Variants in PTPN6 observed in about 807,000 individuals in gnomAD.
PTPN6 encodes the protein protein tyrosine phosphatase non-receptor type 6.
PTPN6 carries 18 observed loss-of-function variants against 81.5 expected under a neutral mutation model. The observed-to-expected ratio is 0.22, with a 90% CI of 0.15 to 0.33. The LOEUF is 0.33. Ranked by LOEUF, PTPN6 falls within the 10% of genes least tolerant of loss-of-function variation. The probability of loss-of-function intolerance (pLI) is 1.00; values close to 1 mark genes in which losing one functional copy is unlikely to be tolerated. For missense variants in PTPN6, 500 were observed against 794.2 expected, an observed-to-expected ratio of 0.63 and a Z score of 4.45; for synonymous variants, 301 against 310.9, an observed-to-expected ratio of 0.97 and a Z score of 0.33.
chr12:6,948,592 G>A (rs186996534), upstream of PTPN6, among the ~76,000 whole-genome samples: 3 of 151,646 alleles, frequency 2.0e-5, no homozygotes, highest in Non-Finnish European at 4.4e-5. Flanking sequence ...ACACCCAGTC[G>A]AAAGAAGAAA....
In PTPN6 at chr12:6,957,318, C is replaced by T. The variant is rs1286190814; in HGVS notation, c.1075-336C>T. Among the ~76,000 whole-genome samples, 1 of 152,234 alleles carries T rather than the reference C, an allele frequency of 6.6e-6. No homozygotes were observed. The highest frequency in any genetic ancestry group is 1.5e-5 in the Non-Finnish European group (1 of 68,044). On this transcript the variant is annotated intron_variant, in intron 9 of 15. Transcript: ENST00000318974. This position sits in a 1 kb window ranked among gnomAD's most constrained non-coding sequence, Gnocchi z 6.5. ...TCAGCGCGGTGTCTCCCCCGGTCACCTGTCTCTGTGAGCTCCTCGAGGCAC... is the reference window on the plus strand; with the variant it reads ...TCAGCGCGGTGTCTCCCCCGGTCACTTGTCTCTGTGAGCTCCTCGAGGCAC...
rs782715566 is a variant in PTPN6 at position 6,952,813 on chromosome 12, C to G, written c.326+636C>G. ...AGGCATTTCCTTCCTGTGGCCTCCCCGACTCCTCCTGTGGTCTCCCAAAGG... is the reference window on the plus strand; with the variant it reads ...AGGCATTTCCTTCCTGTGGCCTCCCGGACTCCTCCTGTGGTCTCCCAAAGG... On this transcript the variant is annotated intron_variant, in intron 3 of 15. Coordinates refer to ENST00000318974, the MANE Select transcript of PTPN6 (RefSeq NM_002831.6). The surrounding 1 kb of genome is among the most constrained non-coding windows in gnomAD (Gnocchi z 8.1). 6.4e-6 allele frequency: 1 copy of G among 156,602 alleles called. No individual in the cohort carries two copies. The highest frequency in any genetic ancestry group is 2.4e-5 in the African/African-American group (1 of 41,438). 9.7% of individuals were successfully genotyped at this position (156,602 alleles called of 1,614,324 possible). A position where few individuals can be genotyped will look rare whatever the true frequency, so the allele number is the denominator to read the frequency against.
upstream of PTPN6, among the ~76,000 whole-genome samples, chr12:6,947,010 C>T (rs1231255573): frequency 1.3e-5 from 2 of 152,186 alleles, no homozygotes; most frequent in Admixed American, 6.5e-5. Flanking sequence ...TGGGCTCCTG[C>T]TTCTGCCTCC....
In PTPN6 at chr12:6,952,194, C is replaced by G; in HGVS notation, c.326+17C>G. 1 of 1,612,856 alleles carries G rather than the reference C, an allele frequency of 6.2e-7. No individual in the cohort carries two copies. Among genetic ancestry groups the G allele is most frequent in the Non-Finnish European group, 8.5e-7 (1 of 1,179,752 alleles). On this transcript the variant is annotated intron_variant, in intron 3 of 15. Transcript: ENST00000318974. This position sits in a 1 kb window ranked among gnomAD's most constrained non-coding sequence, Gnocchi z 8.1. ...TAGTGAGAGGTGAGGGCTCCGCACC[C>G]CCGCCATTCCCAAGCAGGGATGAGC... is the stretch of plus-strand genomic sequence containing the variant.
upstream of PTPN6, among the ~76,000 whole-genome samples, chr12:6,950,450 C>T (rs116645154): frequency 6.7e-3 from 922 of 138,320 alleles, 6 homozygotes; most frequent in African/African-American, 0.022. Flanking sequence ...CTGAGAAAAT[C>T]AGCCATGGTG....
chr12:6,952,642 G>C lies in PTPN6; in HGVS notation c.326+465G>C, dbSNP rs1188255943. ...ATGAATGCTTGCCAAGACACTTGATGCCTTGTCCCAGCCGCCCCGTGGGGA... is the reference window on the plus strand; with the variant it reads ...ATGAATGCTTGCCAAGACACTTGATCCCTTGTCCCAGCCGCCCCGTGGGGA... On this transcript the variant is annotated intron_variant, in intron 3 of 15. Transcript: ENST00000318974. This position sits in a 1 kb window ranked among gnomAD's most constrained non-coding sequence, Gnocchi z 8.1. The C allele has an allele frequency of 3.9e-6, 1 of 259,730 alleles. No homozygotes were observed. Among genetic ancestry groups the C allele is most frequent in the Admixed American group, 5.0e-5 (1 of 19,914 alleles). The allele number at this position is 259,730 out of a possible 1,614,324, so 16.1% of individuals were successfully genotyped here.
chr12:6,949,887 C>T (rs1555147440), upstream of PTPN6, among the ~76,000 whole-genome samples: 1 of 144,700 alleles, frequency 6.9e-6, no homozygotes, highest in Non-Finnish European at 1.5e-5. Flanking sequence ...GATCTCGGCT[C>T]ACTGCAACCT....
chr12:6,951,116 G>C (rs1591683000), upstream of PTPN6: 2 of 738,848 alleles, frequency 2.7e-6, no homozygotes, highest in East Asian at 5.9e-5. The surrounding 1 kb of genome is among the most constrained non-coding windows in gnomAD (Gnocchi z 7.2). Context: ...GTATTATCTG[G>C]GCCTGGAGTG....
Position 6,959,661 on chromosome 12 carries a change from G to A in PTPN6, c.1362-266G>A. 1 of 581,646 alleles carries A rather than the reference G, an allele frequency of 1.7e-6. No individual in the cohort carries two copies. Among genetic ancestry groups the A allele is most frequent in the South Asian group, 2.0e-5 (1 of 50,730 alleles). 36.0% of individuals were successfully genotyped at this position (581,646 alleles called of 1,614,324 possible). A position where few individuals can be genotyped will look rare whatever the true frequency, so the allele number is the denominator to read the frequency against. Reference sequence around the variant, plus strand: ...GTGGGGGCAGCCACTCACTAGGAGTGAGGAGTCGGCGCGAGGAGTGGAGGA... The same window carrying A: ...GTGGGGGCAGCCACTCACTAGGAGTAAGGAGTCGGCGCGAGGAGTGGAGGA... On this transcript the variant is annotated intron_variant, in intron 11 of 15. Transcript: ENST00000318974. The surrounding 1 kb of genome is among the most constrained non-coding windows in gnomAD (Gnocchi z 6.6).
At position 6,954,992 on chromosome 12, in the gene PTPN6, G is replaced by A. The variant is rs781941174; in HGVS notation, c.514G>A (p.Glu172Lys). 6 of 1,614,126 alleles carry A rather than the reference G, an allele frequency of 3.7e-6. No homozygotes were observed. Among genetic ancestry groups the A allele is most frequent in the East Asian group, 4.5e-5 (2 of 44,882 alleles). The change falls in exon 4 of 16, where the codon GAG (glutamate) becomes AAG (lysine). Residue 172 changes from glutamate to lysine, a missense_variant and splice_region_variant. Around this residue, in one of 6 missense-constraint regions of PTPN6, gnomAD observed 96 missense variants for 137.3 expected, o/e 0.70. Transcript: ENST00000318974. The surrounding 1 kb of genome is among the most constrained non-coding windows in gnomAD (Gnocchi z 5.4). The stretch of plus-strand genomic sequence containing the variant: ...GGTCACCCACATCAAGGTCATGTGC[G>A]AGGTAAGGCAGCCAGGCGGCGGGGG... The part of the protein sequence containing the change: ...LRVTHIKVMC[E>K]GGRYTVGGLE...
Position 6,957,623 on chromosome 12 carries a change from G to A in PTPN6, c.1075-31G>A, listed in dbSNP as rs1565583489. The stretch of plus-strand genomic sequence containing the variant: ...GATGGGCCACAGTGCCCTGCTCTGT[G>A]CCTCATCCCCACCCGACCCTCCCTT... On this transcript the variant is annotated intron_variant, in intron 9 of 15. Coordinates refer to ENST00000318974, the MANE Select transcript of PTPN6 (RefSeq NM_002831.6). This position sits in a 1 kb window ranked among gnomAD's most constrained non-coding sequence, Gnocchi z 6.5. 1 of 1,608,500 alleles carries A rather than the reference G, an allele frequency of 6.2e-7. No homozygotes were observed.
Position 6,955,887 on chromosome 12 carries a change from T to A in PTPN6, c.844+131T>A. ...CACACCCCCCACAGAGCCTCCCCCT[T>A]CTCCAAAAGGCCTCTACTCCTCCCA... On this transcript the variant is annotated intron_variant, in intron 7 of 15. Transcript: ENST00000318974. The surrounding 1 kb of genome is among the most constrained non-coding windows in gnomAD (Gnocchi z 7.2). 1 of 868,996 alleles carries A rather than the reference T, an allele frequency of 1.2e-6. No homozygotes were observed. The highest frequency in any genetic ancestry group is 1.8e-6 in the Non-Finnish European group (1 of 546,540). 53.8% of individuals were successfully genotyped at this position (868,996 alleles called of 1,614,324 possible).
chr12:6,954,010 C>G lies in PTPN6; in HGVS notation c.327-795C>G, dbSNP rs912313264. ...TTGTGTTTTTTCCATCACGTGGTTT[C>G]CTGTGGGGCTGGGCTTTGTGGGGCT... On this transcript the variant is annotated intron_variant, in intron 3 of 15. Coordinates refer to ENST00000318974, the MANE Select transcript of PTPN6 (RefSeq NM_002831.6). This position sits in a 1 kb window ranked among gnomAD's most constrained non-coding sequence, Gnocchi z 5.4. 2.7e-4 allele frequency among the ~76,000 whole-genome samples: 41 copies of G among 152,202 alleles called. No individual in the cohort carries two copies. The highest frequency in any genetic ancestry group is 7.4e-5 in the Non-Finnish European group (5 of 68,026).
chr12:6,951,140 T>C (rs1945916208), upstream of PTPN6: 1 of 1,008,846 alleles, frequency 9.9e-7, no homozygotes, highest in Admixed American at 3.5e-5. This position sits in a 1 kb window ranked among gnomAD's most constrained non-coding sequence, Gnocchi z 7.2. Flanking sequence ...AAGGCACACA[T>C]GTGTCCTTAC....
chr12:6,948,563 GAAAGAA>G (rs1330171290), upstream of PTPN6, among the ~76,000 whole-genome samples: 1 of 149,204 alleles, frequency 6.7e-6, no homozygotes, highest in East Asian at 2.0e-4. Flanking sequence ...GAAAAGAAAG[GAAAGAA>G]AAAGAAAAAG....
Position 6,960,704 on chromosome 12 carries a change from T to C in PTPN6, c.1674-102T>C. On this transcript the variant is annotated intron_variant, in intron 14 of 15. Coordinates refer to ENST00000318974, the MANE Select transcript of PTPN6 (RefSeq NM_002831.6). This position sits in a 1 kb window ranked among gnomAD's most constrained non-coding sequence, Gnocchi z 6.1. Reference sequence around the variant, plus strand: ...GCAGGGACCGTGGCTGCGTCACCTGTGAGACGGGGTGGCCAGAGGGGACTG... The same window carrying C: ...GCAGGGACCGTGGCTGCGTCACCTGCGAGACGGGGTGGCCAGAGGGGACTG... 1 of 1,551,506 alleles carries C rather than the reference T, an allele frequency of 6.4e-7. No individual in the cohort carries two copies. The highest frequency in any genetic ancestry group is 8.7e-7 in the Non-Finnish European group (1 of 1,146,950).
rs77231069 is a variant in PTPN6, at chr12:6,958,524, C to T, written c.1361+451C>T. 4.5e-4 allele frequency among the ~76,000 whole-genome samples: 68 copies of T among 152,356 alleles called. 3 individuals carry two copies. The East Asian group carries it at 0.012, about 26-fold the overall frequency. ...TTCCTCCTCTTTTTCCATCGGTAGC[C>T]GCAGGGCTTCGGCTTCTTCCTGACT... On this transcript the variant is annotated intron_variant, in intron 11 of 15. Transcript: ENST00000318974.
rs2138271474 is a variant in PTPN6 at position 6,955,975 on chromosome 12, C to G, written c.845-167C>G. Among the ~76,000 whole-genome samples the G allele has an allele frequency of 6.6e-6, 1 of 152,146 alleles. No homozygotes were observed. The highest frequency in any genetic ancestry group is 1.9e-4 in the East Asian group (1 of 5,178). ...TGCTCCCAACCTCCTTGTGAACTCC[C>G]TCACTCCCTCCATACAGATGATCCC... is the stretch of plus-strand genomic sequence containing the variant. On this transcript the variant is annotated intron_variant, in intron 7 of 15. Coordinates refer to ENST00000318974, the MANE Select transcript of PTPN6 (RefSeq NM_002831.6). The surrounding 1 kb of genome is among the most constrained non-coding windows in gnomAD (Gnocchi z 7.2).
upstream of PTPN6, among the ~76,000 whole-genome samples, chr12:6,947,383 G>A (rs782587336): frequency 8.5e-5 from 13 of 152,186 alleles, no homozygotes; most frequent in Non-Finnish European, 1.6e-4. Context: ...AAAATAGACA[G>A]CCTTGGCCGG....
Sources: allele counts gnomAD v4.1 joint callset (sites outside exome capture counted in the v4.1 genomes callset), GRCh38; gene constraint gnomAD v4.1.1; regional missense constraint gnomAD v4.1.1; non-coding constraint Gnocchi (gnomAD v3.1); transcripts MANE v1.5; gene names NCBI Gene and HGNC (gene_info 2026-07-23, HGNC 2026-07-21).